LRRC7: variants seen among roughly 807,000 people sequenced by gnomAD.
LRRC7 encodes the protein leucine-rich repeat-containing protein 7.
LRRC7 carries 23 observed loss-of-function variants against 175.7 expected under a neutral mutation model. That is an observed-to-expected ratio of 0.13 (90% CI 0.09 to 0.19). LRRC7 has a LOEUF of 0.19. Ranked by LOEUF, LRRC7 falls within the 10% of genes least tolerant of loss-of-function variation. The pLI is 1.00. For synonymous variants in LRRC7, 685 were observed against 680.9 expected (o/e 1.01, Z -0.09); for missense variants, 1,354 against 1,904.7 (o/e 0.71, Z 5.38).
intron 7 of LRRC7, among the ~76,000 whole-genome samples, chr1:69,858,432 T>C (rs1485724053): frequency 6.6e-6 from 1 of 152,104 alleles, no homozygotes; most frequent in South Asian, 2.1e-4. Flanking sequence ...ATTGTGCACA[T>C]GTACCCTAGA....
At chr1:69,859,178 T>C (rs1028373399) in intron 7 of LRRC7, among the ~76,000 whole-genome samples, 2 of 152,150 alleles carry the variant, frequency 1.3e-5, no homozygotes, top group Non-Finnish European at 2.9e-5. Context: ...CAACTTATAA[T>C]GTTGCACGTT....
At chr1:70,098,398 A>G (rs1320142031) in intron 25 of LRRC7, among the ~76,000 whole-genome samples, 1 of 150,530 alleles carries the variant, frequency 6.6e-6, no homozygotes, top group African/African-American at 2.5e-5. Flanking sequence ...CCCTAACATC[A>G]CAATTAAAAG....
At chr1:69,683,202 T>C (rs1164855692) in intron 2 of LRRC7, among the ~76,000 whole-genome samples, 1 of 152,156 alleles carries the variant, frequency 6.6e-6, no homozygotes, top group Non-Finnish European at 1.5e-5. Flanking sequence ...TCCTCTTTCA[T>C]ACATTTCTTC....
In LRRC7 at chr1:70,143,516, T is replaced by C. The variant is rs929367988; in HGVS notation, c.*21629T>C. The C allele has an allele frequency of 6.6e-6, 1 of 152,144 alleles. No individual in the cohort carries two copies. Among genetic ancestry groups the C allele is most frequent in the Non-Finnish European group, 1.5e-5 (1 of 68,010 alleles). The allele number at this position is 152,144 out of a possible 1,614,324, so 9.4% of individuals were successfully genotyped here. On this transcript the variant is annotated 3_prime_UTR_variant, in exon 27 of 27. Coordinates refer to ENST00000651989, the MANE Select transcript of LRRC7 (RefSeq NM_001370785.2). ...CTGCATAGTTTATTGACACTACCCT[T>C]GTAAAGCTTTTATGGAAGAACCAAC...
intron 1 of LRRC7, among the ~76,000 whole-genome samples, chr1:69,618,640 T>C (rs1650063795): frequency 6.6e-6 from 1 of 152,182 alleles, no homozygotes; most frequent in East Asian, 1.9e-4. Context: ...ATGAACTTCT[T>C]CTTCCCTATC....
chr1:69,705,478 C>A lies in LRRC7; in HGVS notation c.100+27000C>A, dbSNP rs576320695. Among the ~76,000 whole-genome samples, 6 of 152,210 alleles carry A rather than the reference C, an allele frequency of 3.9e-5. No individual in the cohort carries two copies. In the East Asian group the frequency reaches 9.6e-4, roughly 24 times the overall value. On this transcript the variant is annotated intron_variant, in intron 2 of 26. Coordinates refer to ENST00000651989, the MANE Select transcript of LRRC7 (RefSeq NM_001370785.2). ...GATAGGCCTCTAAATTAAACATTTT[C>A]TTTGAGAGTCACAGACTTGCAATCC... is the stretch of plus-strand genomic sequence containing the variant.
At chr1:69,847,042 A>T (rs1682448049) in intron 7 of LRRC7, among the ~76,000 whole-genome samples, 1 of 152,146 alleles carries the variant, frequency 6.6e-6, no homozygotes, top group Admixed American at 6.6e-5. Flanking sequence ...ATGTTTAACT[A>T]AATGATCTAG....
chr1:69,680,195 TCTTAGAGCAGGG>T (rs1383322163), intron 2 of LRRC7, among the ~76,000 whole-genome samples: 1 of 152,048 alleles, frequency 6.6e-6, no homozygotes, highest in Non-Finnish European at 1.5e-5. Flanking sequence ...AATCAGAAAC[TCTTAGAGCAGGG>T]CCTGGTGACC....
chr1:69,858,122 A>G (rs1167775073), intron 7 of LRRC7, among the ~76,000 whole-genome samples: 1 of 152,230 alleles, frequency 6.6e-6, no homozygotes, highest in Non-Finnish European at 1.5e-5. Context: ...CAGATGGATT[A>G]AAGACTTAAA....
chr1:69,819,575 CTCTG>C lies in LRRC7; in HGVS notation c.422-6171_422-6168del, dbSNP rs879463466. On this transcript the variant is annotated intron_variant, in intron 4 of 26. Coordinates refer to ENST00000651989, the MANE Select transcript of LRRC7 (RefSeq NM_001370785.2). ...GAATGCTCTCTCTCTCTCTCTCTCT[CTCTG>C]TGTGTGTGTGTGTGTGTGTGTGTGT... Among the ~76,000 whole-genome samples, 673 of 133,112 alleles carry C rather than the reference CTCTG, an allele frequency of 5.1e-3. 3 individuals carry two copies. The highest frequency in any genetic ancestry group is 7.2e-3 in the Middle Eastern group (2 of 276). The allele number at this position is 133,112 out of a possible 152,430, so 87.3% of individuals were successfully genotyped here. A position where few individuals can be genotyped will look rare whatever the true frequency, so the allele number is the denominator to read the frequency against.
chr1:69,888,827 A>G lies in LRRC7; in HGVS notation c.648-42680A>G, dbSNP rs114649550. Among the ~76,000 whole-genome samples the G allele has an allele frequency of 5.0e-3, 756 of 152,302 alleles. 6 individuals are homozygous for G. The highest frequency in any genetic ancestry group is 7.1e-3 in the Non-Finnish European group (484 of 68,024). Reference sequence around the variant, plus strand: ...AAAGGAGACAAACTTGCAGTTGTAAAATGGATACACACTGGAGACCTAATG... The same window carrying G: ...AAAGGAGACAAACTTGCAGTTGTAAGATGGATACACACTGGAGACCTAATG... On this transcript the variant is annotated intron_variant, in intron 7 of 26. Transcript: ENST00000651989.
At chr1:69,962,068 G>A (rs1393500206) in intron 8 of LRRC7, among the ~76,000 whole-genome samples, 1 of 151,904 alleles carries the variant, frequency 6.6e-6, no homozygotes, top group Non-Finnish European at 1.5e-5. Flanking sequence ...CAGAATGGGA[G>A]AAAAATTTTG....
chr1:69,805,383 C>T (rs1299039274), intron 4 of LRRC7, among the ~76,000 whole-genome samples: 1 of 151,760 alleles, frequency 6.6e-6, no homozygotes, highest in Non-Finnish European at 1.5e-5. Flanking sequence ...ATTATAAATT[C>T]ATAAAGGGGT....
chr1:69,948,764 G>C (rs1649607064), intron 8 of LRRC7, among the ~76,000 whole-genome samples: 1 of 152,130 alleles, frequency 6.6e-6, no homozygotes, highest in Non-Finnish European at 1.5e-5. Context: ...ATTGATATAG[G>C]ATTCTTAAGG....
chr1:69,686,615 A>G (rs894926985), intron 2 of LRRC7, among the ~76,000 whole-genome samples: 5 of 152,164 alleles, frequency 3.3e-5, no homozygotes, highest in Non-Finnish European at 7.4e-5. Flanking sequence ...AAAACATTAT[A>G]AGTAAATCAA....
At chr1:69,888,637 C>G (rs1027183574) in intron 7 of LRRC7, among the ~76,000 whole-genome samples, 5 of 152,186 alleles carry the variant, frequency 3.3e-5, no homozygotes, top group Admixed American at 1.3e-4. Flanking sequence ...ATCTTGGCTC[C>G]TCCTCCTGAG....
chr1:69,577,042 G>A (rs973241300), intron 1 of LRRC7, among the ~76,000 whole-genome samples: 11 of 152,158 alleles, frequency 7.2e-5, no homozygotes, highest in Admixed American at 2.6e-4. Context: ...GCCTCGTCTC[G>A]TCATATCTAA....
chr1:69,853,520 G>A (rs879684977), intron 7 of LRRC7, among the ~76,000 whole-genome samples: 5 of 151,788 alleles, frequency 3.3e-5, no homozygotes, highest in Admixed American at 6.6e-5. Flanking sequence ...CTTGTGATCC[G>A]CCCACCTTGG....
At chr1:69,607,362 T>G (rs908293588) in intron 1 of LRRC7, 4 of 152,150 alleles carry the variant, frequency 2.6e-5, no homozygotes, top group African/African-American at 9.6e-5. Flanking sequence ...TTTATTTTAT[T>G]ATAAAGGAGT....
Sources: allele counts gnomAD v4.1 joint callset (sites outside exome capture counted in the v4.1 genomes callset), GRCh38; gene constraint gnomAD v4.1.1; transcripts MANE v1.5; gene names NCBI Gene and HGNC (gene_info 2026-07-23, HGNC 2026-07-21).